The following GRIK1 variants were observed in gnomAD, a reference collection of about 807,000 sequenced individuals.
The protein encoded by GRIK1 is glutamate receptor ionotropic, kainate 1.
In GRIK1, 69 loss-of-function variants were observed where a neutral mutation model predicts 105.7. That is an observed-to-expected ratio of 0.65 (90% CI 0.54 to 0.80). GRIK1 has a LOEUF of 0.80. Among genes scored for constraint, GRIK1 ranks in the 30% least tolerant of loss-of-function variants. The probability of loss-of-function intolerance (pLI) is 0.00; values close to 1 mark genes in which losing one functional copy is unlikely to be tolerated. For synonymous variants in GRIK1, 438 were observed against 431.3 expected (o/e 1.02, Z -0.19); for missense variants, 1,109 against 1,167.3 (o/e 0.95, Z 0.73).
At chr21:29,879,723 G>C (rs185035602) in intron 1 of GRIK1, among the ~76,000 whole-genome samples, 11 of 152,002 alleles carry the variant, frequency 7.2e-5, no homozygotes, top group South Asian at 2.1e-4. Flanking sequence ...TAGGAAAAAC[G>C]GTAGCTCTTT....
intron 1 of GRIK1, among the ~76,000 whole-genome samples, chr21:29,695,465 T>TATC (rs756258202): frequency 2.1e-5 from 3 of 145,902 alleles, no homozygotes; most frequent in East Asian, 2.0e-4. Flanking sequence ...TCTATCTATC[T>TATC]ATCTATCTAT....
intron 1 of GRIK1, among the ~76,000 whole-genome samples, chr21:29,911,339 T>G (rs908468549): frequency 6.6e-6 from 1 of 151,968 alleles, no homozygotes; most frequent in Non-Finnish European, 1.5e-5. Context: ...AAACAGCTGA[T>G]TTTATGCTTC....
chr21:29,847,590 AAAAC>A (rs1205321740), intron 1 of GRIK1, among the ~76,000 whole-genome samples: 1 of 152,184 alleles, frequency 6.6e-6, no homozygotes, highest in Non-Finnish European at 1.5e-5. Context: ...TCTGTCTCAA[AAAAC>A]AAACAAACAA....
intron 12 of GRIK1, chr21:29,582,327 T>C (rs2091039733): frequency 2.1e-6 from 1 of 469,890 alleles, no homozygotes; most frequent in African/African-American, 2.0e-5. Flanking sequence ...TGGCCTGTGG[T>C]CACTTAATCA....
Position 29,865,728 on chromosome 21 carries a change from A to G in GRIK1, c.118+73655T>C, listed in dbSNP as rs548906014. Among the ~76,000 whole-genome samples the G allele has an allele frequency of 2.0e-5, 3 of 152,382 alleles. No individual in the cohort carries two copies. The South Asian group carries it at 6.2e-4, about 32-fold the overall frequency. On this transcript the variant is annotated intron_variant, in intron 1 of 17. Transcript: ENST00000327783. ...GAAATGTGTGTCCCAATATTAAGTG[A>G]AAGATGCATAGTAACTTTGAAACAA...
chr21:29,683,894 G>T (rs1247078884), intron 3 of GRIK1, among the ~76,000 whole-genome samples: 1 of 152,188 alleles, frequency 6.6e-6, no homozygotes, highest in Admixed American at 6.5e-5. Context: ...CAGGGCCTTT[G>T]CACTGGCTGT....
chr21:29,830,097 G>T (rs571306300), intron 1 of GRIK1, among the ~76,000 whole-genome samples: 2 of 152,188 alleles, frequency 1.3e-5, no homozygotes, highest in South Asian at 2.1e-4. Context: ...TACTTTGCTG[G>T]CAATGATTGC....
intron 2 of GRIK1, 90 bp downstream of exon 2, chr21:29,693,806 G>A (rs1340964907): frequency 1.1e-5 from 10 of 911,884 alleles, no homozygotes; most frequent in Admixed American, 2.1e-5. Flanking sequence ...AAAGATGCCC[G>A]CTTTAAAAGA....
intron 7 of GRIK1, among the ~76,000 whole-genome samples, chr21:29,602,568 T>A (rs1259689475): frequency 6.6e-6 from 1 of 152,192 alleles, no homozygotes; most frequent in African/African-American, 2.4e-5. Context: ...TTATCCCAAC[T>A]GCAGGGAAAG....
At chr21:29,836,366 C>A (rs1445119073) in intron 1 of GRIK1, among the ~76,000 whole-genome samples, 1 of 152,150 alleles carries the variant, frequency 6.6e-6, no homozygotes, top group East Asian at 1.9e-4. Flanking sequence ...CAGAGACAGA[C>A]ACACGTCCCC....
At chr21:29,760,563 A>G (rs916421632) in intron 1 of GRIK1, 1 of 152,230 alleles carries the variant, frequency 6.6e-6, no homozygotes, top group African/African-American at 2.4e-5. Flanking sequence ...ACATAATCAA[A>G]TTAGCCTTTA....
At chr21:29,879,436 G>T (rs186666035) in intron 1 of GRIK1, among the ~76,000 whole-genome samples, 13 of 152,148 alleles carry the variant, frequency 8.5e-5, no homozygotes, top group Admixed American at 5.2e-4. Context: ...CTACCAAATT[G>T]TTCAGGTTCA....
At chr21:29,761,266 T>G (rs1355254929) in intron 1 of GRIK1, 20 of 152,256 alleles carry the variant, frequency 1.3e-4, no homozygotes, top group Admixed American at 1.2e-3. Flanking sequence ...GCGCACGCTC[T>G]GATGTGGACT....
intron 14 of GRIK1, among the ~76,000 whole-genome samples, chr21:29,564,792 G>T (rs1360999405): frequency 6.6e-6 from 1 of 152,188 alleles, no homozygotes; most frequent in Non-Finnish European, 1.5e-5. Flanking sequence ...GGTAAGAGAG[G>T]TCATGAGTTT....
intron 1 of GRIK1, among the ~76,000 whole-genome samples, chr21:29,775,348 T>C (rs1196573231): frequency 6.7e-6 from 1 of 148,772 alleles, no homozygotes; most frequent in Non-Finnish European, 1.5e-5. Flanking sequence ...CATTGAAGAA[T>C]CAAGGAGTTT....
intron 3 of GRIK1, among the ~76,000 whole-genome samples, chr21:29,687,680 A>G (rs2063510175): frequency 1.3e-5 from 2 of 152,228 alleles, no homozygotes; most frequent in Admixed American, 1.3e-4. Flanking sequence ...TGGAAATGAT[A>G]GTTTGGTGTT....
intron 1 of GRIK1, among the ~76,000 whole-genome samples, chr21:29,810,662 C>T (rs893018323): frequency 6.6e-6 from 1 of 151,900 alleles, no homozygotes; most frequent in African/African-American, 2.4e-5. Flanking sequence ...AAAGAGAAAC[C>T]CAGGGAGCTG....
chr21:29,779,347 TGTGTG>T (rs2066028186), intron 1 of GRIK1, among the ~76,000 whole-genome samples: 2 of 151,902 alleles, frequency 1.3e-5, no homozygotes, highest in East Asian at 3.9e-4. Flanking sequence ...TGTGTGTGTG[TGTGTG>T]TGTGTGTGTG....
chr21:29,612,332 C>T (rs774464595), intron 7 of GRIK1, among the ~76,000 whole-genome samples: 25 of 152,158 alleles, frequency 1.6e-4, no homozygotes, highest in Admixed American at 4.6e-4. Flanking sequence ...GGTCCCAGGA[C>T]GGTTTTACCT....
Sources: gnomAD v4.1 joint callset for allele counts (sites outside exome capture counted in the v4.1 genomes callset) on GRCh38, gnomAD v4.1.1 for gene constraint, MANE v1.5 for transcripts, NCBI Gene and HGNC (gene_info 2026-07-23, HGNC 2026-07-21) for gene names.